TMEM71: variants seen among roughly 807,000 people sequenced by gnomAD.
TMEM71 encodes the protein transmembrane protein 71.
A neutral mutation model predicts 38.0 loss-of-function variants in TMEM71; 44 were observed. That is an observed-to-expected ratio of 1.16 (90% CI 0.91 to 1.49). The LOEUF (loss-of-function observed/expected upper bound fraction) is 1.49, where lower values mean the gene tolerates loss of function less well. Among genes scored for constraint, TMEM71 ranks in the 40% most tolerant of loss-of-function variants. The probability of loss-of-function intolerance (pLI) is 0.00; values close to 1 mark genes in which losing one functional copy is unlikely to be tolerated. For missense variants in TMEM71, 367 were observed against 348.6 expected (o/e 1.05, Z -0.42); for synonymous variants, 133 against 122.5 (o/e 1.09, Z -0.56).
chr8:132,714,104 T>C, intron 8 of TMEM71, 50 bp downstream of exon 8: 1 of 1,610,844 alleles, frequency 6.2e-7, no homozygotes, highest in South Asian at 1.1e-5. Context: ...TGACCAAAAT[T>C]GGAATGAAAT....
chr8:132,738,442 T>C (rs1827862731), intron 5 of TMEM71, among the ~76,000 whole-genome samples: 1 of 152,202 alleles, frequency 6.6e-6, no homozygotes, highest in Admixed American at 6.5e-5. Flanking sequence ...GAAAATATTC[T>C]TTAAGTCTCT....
intron 5 of TMEM71, among the ~76,000 whole-genome samples, chr8:132,737,214 C>T (rs1198905941): frequency 6.6e-6 from 1 of 152,100 alleles, no homozygotes; most frequent in Non-Finnish European, 1.5e-5. Context: ...ACTAAAAAAT[C>T]GCTGAATTGT....
At chr8:132,706,301 C>T (rs3889844), downstream of TMEM71, among the ~76,000 whole-genome samples, 16,281 of 152,078 alleles carry the variant, frequency 0.11, 1,189 homozygotes, top group Non-Finnish European at 0.17. Flanking sequence ...GTATTGGCCC[C>T]ATGGTCTTAC....
At chr8:132,754,957 G>C (rs1328734835) in intron 3 of TMEM71, among the ~76,000 whole-genome samples, 1 of 152,166 alleles carries the variant, frequency 6.6e-6, no homozygotes, top group African/African-American at 2.4e-5. Flanking sequence ...GGCTCCAGTA[G>C]GTTAAATTCA....
chr8:132,719,553 C>G (rs980129194), intron 7 of TMEM71, among the ~76,000 whole-genome samples: 3 of 152,196 alleles, frequency 2.0e-5, no homozygotes, highest in African/African-American at 7.2e-5. Context: ...TGGTTCCAAG[C>G]ATTCTGTATG....
intron 6 of TMEM71, among the ~76,000 whole-genome samples, chr8:132,724,439 T>A (rs1312644672): frequency 6.6e-6 from 1 of 152,132 alleles, no homozygotes; most frequent in Non-Finnish European, 1.5e-5. Flanking sequence ...TAGCGATGTC[T>A]CTCCTACTTG....
chr8:132,706,879 C>T (rs1472997610), downstream of TMEM71, among the ~76,000 whole-genome samples: 1 of 152,110 alleles, frequency 6.6e-6, no homozygotes, highest in African/African-American at 2.4e-5. Flanking sequence ...GCTGACAACA[C>T]AAAATGACAT....
At chr8:132,758,543 C>A (rs575252195) in intron 2 of TMEM71, 1 of 298,336 alleles carries the variant, frequency 3.4e-6, no homozygotes, top group Non-Finnish European at 6.2e-6. Flanking sequence ...TTTTTATATA[C>A]AAACAGTTTT....
At chr8:132,745,060 A>T (rs896629876) in intron 5 of TMEM71, among the ~76,000 whole-genome samples, 1 of 152,208 alleles carries the variant, frequency 6.6e-6, no homozygotes, top group African/African-American at 2.4e-5. Context: ...ACCTCCCTTA[A>T]CCTATAAGAA....
chr8:132,772,086 T>C, the TMEM71 span, among the ~76,000 whole-genome samples: 2 of 152,230 alleles, frequency 1.3e-5, no homozygotes. Context: ...CTAATGCTAA[T>C]TGTAAATATT....
At chr8:132,749,410 C>T (rs1239414872) in intron 4 of TMEM71, among the ~76,000 whole-genome samples, 1 of 152,234 alleles carries the variant, frequency 6.6e-6, no homozygotes, top group Non-Finnish European at 1.5e-5. Context: ...TACCTGGACA[C>T]ACAACTGAAC....
chr8:132,735,176 T>C (rs761542238), intron 5 of TMEM71, among the ~76,000 whole-genome samples: 4 of 152,182 alleles, frequency 2.6e-5, no homozygotes, highest in African/African-American at 4.8e-5. Context: ...AATTGCAGTA[T>C]TGGGGCCTGG....
At chr8:132,756,357 C>A (rs1829002017) in intron 3 of TMEM71, among the ~76,000 whole-genome samples, 1 of 145,972 alleles carries the variant, frequency 6.9e-6, no homozygotes, top group African/African-American at 2.6e-5. Context: ...ATAGTTTCAC[C>A]ACTCACCAGA....
At chr8:132,759,335 T>C (rs1362252464) in intron 1 of TMEM71, 2 of 156,244 alleles carry the variant, frequency 1.3e-5, no homozygotes, top group African/African-American at 4.8e-5. Context: ...AACTTCATTA[T>C]CAAGTTTCAA....
chr8:132,709,605 G>A (rs1487136267), downstream of TMEM71, among the ~76,000 whole-genome samples: 2 of 152,006 alleles, frequency 1.3e-5, no homozygotes, highest in African/African-American at 4.8e-5. Flanking sequence ...AGAAGGTGAT[G>A]TAATGATGGA....
chr8:132,721,969 A>T, intron 7 of TMEM71, 71 bp downstream of exon 7: 1 of 1,326,108 alleles, frequency 7.5e-7, no homozygotes, highest in Non-Finnish European at 1.1e-6. Context: ...GAATAAGGCA[A>T]GGAAATCATC....
rs971730555 is a variant in TMEM71 at position 132,736,044 on chromosome 8, G to A, written c.488-8058C>T. On this transcript the variant is annotated intron_variant, in intron 5 of 9. Coordinates refer to ENST00000677595, the MANE Select transcript of TMEM71 (RefSeq NM_001382403.1). ...TAAGAAGAACTTTGTTAAAACCAAA[G>A]AGATTGTAGCAAATGTTAGAGAATC... Among the ~76,000 whole-genome samples the A allele has an allele frequency of 2.0e-5, 3 of 152,330 alleles. No homozygotes were observed. The South Asian group carries it at 6.2e-4, about 32-fold the overall frequency.
intron 6 of TMEM71, among the ~76,000 whole-genome samples, chr8:132,726,191 G>A (rs1563746068): frequency 6.6e-6 from 1 of 152,054 alleles, no homozygotes; most frequent in Non-Finnish European, 1.5e-5. Flanking sequence ...GGTGGCTATT[G>A]AGCCTTCTTA....
intron 4 of TMEM71, among the ~76,000 whole-genome samples, chr8:132,751,033 A>C (rs1049627182): frequency 6.6e-6 from 1 of 152,072 alleles, no homozygotes. Flanking sequence ...TCACATATTC[A>C]CACACATCCA....
Sources: allele counts gnomAD v4.1 joint callset (sites outside exome capture counted in the v4.1 genomes callset), GRCh38; gene constraint gnomAD v4.1.1; transcripts MANE v1.5; gene names NCBI Gene and HGNC (gene_info 2026-07-23, HGNC 2026-07-21).